GRIA4: variants seen among roughly 807,000 people sequenced by gnomAD.
GRIA4 encodes the protein glutamate receptor 4.
A neutral mutation model predicts 104.0 loss-of-function variants in GRIA4; 34 were observed. The ratio of observed to expected loss-of-function variants is 0.33; its 90% CI spans 0.25 to 0.44. The LOEUF is 0.44. Ranked by LOEUF, GRIA4 falls within the 20% of genes least tolerant of loss-of-function variation. The probability of loss-of-function intolerance (pLI) is 1.00; values close to 1 mark genes in which losing one functional copy is unlikely to be tolerated. For missense variants in GRIA4, 750 were observed against 1,096.5 expected (o/e 0.68, Z 4.46); for synonymous variants, 386 against 381.9 (o/e 1.01, Z -0.13).
intron 3 of GRIA4, among the ~76,000 whole-genome samples, chr11:105,681,332 C>G (rs1952704282): frequency 6.6e-6 from 1 of 152,104 alleles, no homozygotes. Flanking sequence ...TGAAACAATT[C>G]AATTTGTTTA....
intron 4 of GRIA4, among the ~76,000 whole-genome samples, chr11:105,754,191 G>A (rs1026187006): frequency 1.3e-5 from 2 of 152,086 alleles, no homozygotes; most frequent in African/African-American, 2.4e-5. Context: ...TAGCACACTA[G>A]AGACAATCTT....
intron 11 of GRIA4, among the ~76,000 whole-genome samples, chr11:105,919,493 G>A (rs1443606952): frequency 6.6e-6 from 1 of 152,052 alleles, no homozygotes; most frequent in African/African-American, 2.4e-5. Context: ...TTTTATAATA[G>A]TATACATAGC....
At chr11:105,785,372 A>G (rs1941913959) in intron 4 of GRIA4, among the ~76,000 whole-genome samples, 1 of 152,212 alleles carries the variant, frequency 6.6e-6, no homozygotes, top group East Asian at 1.9e-4. Context: ...GAGACAATAT[A>G]TTTTATTTCT....
intron 13 of GRIA4, among the ~76,000 whole-genome samples, chr11:105,931,727 A>G (rs1202460529): frequency 1.3e-5 from 2 of 152,108 alleles, no homozygotes; most frequent in African/African-American, 4.8e-5. Flanking sequence ...AAAAATGAAT[A>G]TAGTTACCAT....
intron 4 of GRIA4, among the ~76,000 whole-genome samples, chr11:105,859,994 A>G (rs1945160810): frequency 6.6e-6 from 1 of 152,150 alleles, no homozygotes; most frequent in Non-Finnish European, 1.5e-5. Context: ...GAAACAAGAG[A>G]AAGAATGCTG....
intron 3 of GRIA4, among the ~76,000 whole-genome samples, chr11:105,746,370 AT>A (rs1000990074): frequency 3.3e-5 from 5 of 152,176 alleles, no homozygotes; most frequent in Admixed American, 1.3e-4. Flanking sequence ...GATAGGCAAC[AT>A]CAAAAATAAT....
chr11:105,743,947 T>G (rs1398490397), intron 3 of GRIA4, among the ~76,000 whole-genome samples: 2 of 152,208 alleles, frequency 1.3e-5, no homozygotes, highest in African/African-American at 4.8e-5. Context: ...ACATCTGCTT[T>G]AATTTGCCCT....
chr11:105,746,536 C>A (rs1939670630), intron 3 of GRIA4, among the ~76,000 whole-genome samples: 1 of 151,584 alleles, frequency 6.6e-6, no homozygotes, highest in Non-Finnish European at 1.5e-5. Context: ...TCAGGATTGA[C>A]AAGTCATAGA....
At chr11:105,626,096 ATGTGGATTC>A (rs1565412480) in intron 3 of GRIA4, among the ~76,000 whole-genome samples, 1 of 152,138 alleles carries the variant, frequency 6.6e-6, no homozygotes, top group East Asian at 1.9e-4. Context: ...GGGCAGTTAC[ATGTGGATTC>A]TTTTAAAAAT....
intron 7 of GRIA4, among the ~76,000 whole-genome samples, chr11:105,900,773 A>G (rs1012506219): frequency 1.3e-4 from 19 of 151,950 alleles, no homozygotes; most frequent in Non-Finnish European, 1.5e-5. Flanking sequence ...TATTTTTAGT[A>G]TAGACGGGGT....
chr11:105,732,590 G>A (rs946752119), intron 3 of GRIA4, among the ~76,000 whole-genome samples: 15 of 152,180 alleles, frequency 9.9e-5, no homozygotes, highest in African/African-American at 3.4e-4. Context: ...TCTTCTTGCT[G>A]CTACCACTTT....
At position 105,838,397 on chromosome 11, in the gene GRIA4, G is replaced by A. The variant is rs74874000; in HGVS notation, c.488-23627G>A. The stretch of plus-strand genomic sequence containing the variant: ...ATACATTATACTCTCATGGCTCCCA[G>A]GTAAATGCCTTACTGCAGAGTTCTG... On this transcript the variant is annotated intron_variant, in intron 4 of 16. Transcript: ENST00000282499. Among the ~76,000 whole-genome samples the A allele has an allele frequency of 1.4e-3, 214 of 152,198 alleles. 4 individuals are homozygous for A. The East Asian group carries it at 0.033, about 23-fold the overall frequency.
chr11:105,817,031 T>TA (rs1347694197), intron 4 of GRIA4, among the ~76,000 whole-genome samples: 6 of 151,834 alleles, frequency 4.0e-5, no homozygotes, highest in Non-Finnish European at 7.4e-5. Context: ...CCTGTCTCTT[T>TA]AAAAACAAAC....
rs139303141 is a variant in GRIA4, at chr11:105,886,156, C to G, written c.673-1363C>G. ...ATAGCCATGTATACAAAACTCTTTT[C>G]CAGCACAATTCATATGTTCTGATCT... On this transcript the variant is annotated intron_variant, in intron 5 of 16. Coordinates refer to ENST00000282499, the MANE Select transcript of GRIA4 (RefSeq NM_000829.4). Among the ~76,000 whole-genome samples, 928 of 152,270 alleles carry G rather than the reference C, an allele frequency of 6.1e-3. 4 individuals are homozygous for G. Among genetic ancestry groups the G allele is most frequent in the Admixed American group, 8.1e-3 (124 of 15,292 alleles).
At chr11:105,829,746 T>C (rs1943905470) in intron 4 of GRIA4, among the ~76,000 whole-genome samples, 1 of 151,950 alleles carries the variant, frequency 6.6e-6, no homozygotes, top group African/African-American at 2.4e-5. Flanking sequence ...CTGGTTCCAC[T>C]TTCTGTAGAT....
intron 3 of GRIA4, among the ~76,000 whole-genome samples, chr11:105,705,521 A>C (rs1353128448): frequency 6.6e-6 from 1 of 152,164 alleles, no homozygotes; most frequent in Admixed American, 6.6e-5. Flanking sequence ...ACAAAGGAGT[A>C]ATCTCCCCAG....
intron 4 of GRIA4, among the ~76,000 whole-genome samples, chr11:105,831,488 T>G (rs1267559653): frequency 6.6e-6 from 1 of 151,998 alleles, no homozygotes; most frequent in Non-Finnish European, 1.5e-5. Context: ...TGGAGATGCC[T>G]TACTAAATAC....
intron 4 of GRIA4, among the ~76,000 whole-genome samples, chr11:105,771,358 G>A (rs983970744): frequency 2.0e-5 from 3 of 151,870 alleles, no homozygotes; most frequent in Non-Finnish European, 2.9e-5. Flanking sequence ...ATCCCTGACC[G>A]TAGACATAAG....
intron 4 of GRIA4, among the ~76,000 whole-genome samples, chr11:105,780,096 A>G (rs146116626): frequency 6.6e-6 from 1 of 152,288 alleles, no homozygotes; most frequent in Non-Finnish European, 1.5e-5. Context: ...GTGGTCTCCT[A>G]TGTATAATCT....
Sources: allele counts gnomAD v4.1 joint callset (sites outside exome capture counted in the v4.1 genomes callset), GRCh38; gene constraint gnomAD v4.1.1; transcripts MANE v1.5; gene names NCBI Gene and HGNC (gene_info 2026-07-23, HGNC 2026-07-21).